ATP9A: variants seen among roughly 807,000 people sequenced by gnomAD.
ATP9A encodes ATPase phospholipid transporting 9A.
A neutral mutation model predicts 144.1 loss-of-function variants in ATP9A; 52 were observed. That is an observed-to-expected ratio of 0.36 (90% confidence interval 0.29 to 0.45). The LOEUF is 0.45. Ranked by LOEUF, ATP9A falls within the 20% of genes least tolerant of loss-of-function variation. ATP9A has a pLI of 1.00. For synonymous variants in ATP9A, 582 were observed against 557.4 expected (o/e 1.04, Z -0.62); for missense variants, 947 against 1,392.7 (o/e 0.68, Z 5.09).
intron 3 of ATP9A, among the ~76,000 whole-genome samples, chr20:51,717,301 T>C (rs982549397): frequency 2.0e-5 from 3 of 152,008 alleles, no homozygotes; most frequent in African/African-American, 7.3e-5. Context: ...CGTTTCAAAA[T>C]GTCTTCTAGC....
intron 9 of ATP9A, among the ~76,000 whole-genome samples, chr20:51,682,577 C>CTTTTTTTTCTTTTTTTTTTTT (rs2077504557): frequency 2.9e-5 from 1 of 35,076 alleles, no homozygotes. Context: ...TTCACTGTAT[C>CTTTTTTTTCTTTTTTTTTTTT]TTTTTTTTTT....
intron 19 of ATP9A, among the ~76,000 whole-genome samples, chr20:51,620,948 G>A (rs2077224405): frequency 1.3e-5 from 2 of 152,072 alleles, no homozygotes; most frequent in African/African-American, 2.4e-5. Flanking sequence ...AGGGGTTCGA[G>A]ACCAGCCTGG....
intron 3 of ATP9A, among the ~76,000 whole-genome samples, chr20:51,725,444 T>C (rs760017730): frequency 6.6e-6 from 1 of 152,108 alleles, no homozygotes; most frequent in African/African-American, 2.4e-5. Flanking sequence ...ATTTGAGATT[T>C]TGGATTTGGG....
intron 9 of ATP9A, among the ~76,000 whole-genome samples, chr20:51,679,306 G>A (rs546926549): frequency 4.6e-5 from 7 of 152,204 alleles, no homozygotes; most frequent in African/African-American, 1.4e-4. Context: ...CCTGGGTGAC[G>A]GAGTGACACT....
intron 1 of ATP9A, chr20:51,734,593 CA>C (rs2077755617): frequency 1.3e-5 from 2 of 152,164 alleles, no homozygotes; most frequent in South Asian, 4.2e-4. Context: ...GAAATGGCAT[CA>C]AGAAATCCCA....
chr20:51,618,761 G>A lies in ATP9A; in HGVS notation c.2251C>T (p.Gln751Ter). The change falls in exon 21 of 28, where the codon CAG becomes TAG. Residue 751 changes from glutamine to a stop codon, truncating the protein, a stop_gained. Transcript: ENST00000338821. LOFTEE classifies it high-confidence loss of function. ...YEYEFMELAC[Q>*]CPAVVCCRCA... The stretch of plus-strand genomic sequence containing the variant: ...CGGCAGCAGACTACGGCCGGGCACT[G>A]GCAGGCCAGCTCCATGAACTCGTAC... 6.2e-7 allele frequency: 1 copy of A among 1,608,294 alleles called. No individual in the cohort carries two copies. Among genetic ancestry groups the A allele is most frequent in the Non-Finnish European group, 8.5e-7 (1 of 1,177,294 alleles).
intron 3 of ATP9A, among the ~76,000 whole-genome samples, chr20:51,713,700 T>C (rs1459794759): frequency 6.6e-6 from 1 of 152,306 alleles, no homozygotes; most frequent in East Asian, 1.9e-4. Context: ...ATAAGATACA[T>C]CCATTGCATT....
intron 1 of ATP9A, among the ~76,000 whole-genome samples, chr20:51,764,047 G>GATTACCATTA (rs1267881968): frequency 1.6e-4 from 25 of 152,106 alleles, no homozygotes; most frequent in Non-Finnish European, 3.7e-4. Flanking sequence ...AACACCTAAG[G>GATTACCATTA]ATTACCATTA....
chr20:51,762,225 G>A (rs1309201373), intron 1 of ATP9A, among the ~76,000 whole-genome samples: 1 of 152,256 alleles, frequency 6.6e-6, no homozygotes, highest in Non-Finnish European at 1.5e-5. Flanking sequence ...ATTAGGCCAG[G>A]CATGGTGGCT....
intron 3 of ATP9A, 123 bp downstream of exon 3, chr20:51,725,696 C>T (rs1486491587): frequency 8.7e-6 from 6 of 691,550 alleles, no homozygotes; most frequent in African/African-American, 1.8e-5. Context: ...AATGTATTGG[C>T]CTAAGGGCAT....
chr20:51,690,149 A>G (rs867862942), intron 8 of ATP9A, among the ~76,000 whole-genome samples: 65 of 138,086 alleles, frequency 4.7e-4, no homozygotes, highest in South Asian at 2.1e-3. Context: ...GGCCAGGCTC[A>G]GTGGCTCATG....
At position 51,599,769 on chromosome 20, in the gene ATP9A, G is replaced by GC; in HGVS notation, c.*1441dup. On this transcript the variant is annotated 3_prime_UTR_variant, in exon 28 of 28. Coordinates refer to ENST00000338821, the MANE Select transcript of ATP9A (RefSeq NM_006045.3). ...TACATCTCTGAAGCACACAGAAGTA[G>GC]CGCCAGGCAGAGGGTTTGAAGGATA... 6.6e-6 allele frequency: 1 copy of GC among 152,184 alleles called. No individual in the cohort carries two copies. The highest frequency in any genetic ancestry group is 1.5e-5 in the Non-Finnish European group (1 of 68,048). The allele number at this position is 152,184 out of a possible 1,614,324, so 9.4% of individuals were successfully genotyped here.
chr20:51,763,806 G>A (rs963590646), intron 1 of ATP9A, among the ~76,000 whole-genome samples: 6 of 152,010 alleles, frequency 3.9e-5, no homozygotes, highest in African/African-American at 1.2e-4. Flanking sequence ...CCCACAAAAC[G>A]TAGATTGTTA....
intron 9 of ATP9A, among the ~76,000 whole-genome samples, chr20:51,680,588 G>T (rs139842626): frequency 3.3e-5 from 5 of 152,154 alleles, no homozygotes; most frequent in African/African-American, 1.2e-4. Context: ...TGATACAGAC[G>T]GACCTCAGCA....
intron 1 of ATP9A, among the ~76,000 whole-genome samples, chr20:51,736,126 G>C (rs1220152494): frequency 2.0e-5 from 3 of 152,260 alleles, no homozygotes; most frequent in Non-Finnish European, 4.4e-5. Context: ...AATCCAGGCA[G>C]ATGGAACTGC....
intron 4 of ATP9A, among the ~76,000 whole-genome samples, chr20:51,698,298 C>G (rs1431510717): frequency 6.6e-6 from 1 of 152,208 alleles, no homozygotes; most frequent in Non-Finnish European, 1.5e-5. Flanking sequence ...CCGAAGCAGG[C>G]AGATGGCTTG....
At chr20:51,668,316 G>A (rs1366993090) in intron 13 of ATP9A, among the ~76,000 whole-genome samples, 2 of 151,778 alleles carry the variant, frequency 1.3e-5, no homozygotes, top group Non-Finnish European at 2.9e-5. Flanking sequence ...GCAGCCCTGG[G>A]AGAGAATAGG....
At chr20:51,667,455 C>G (rs1001146161) in intron 13 of ATP9A, among the ~76,000 whole-genome samples, 1 of 150,808 alleles carries the variant, frequency 6.6e-6, no homozygotes, top group Non-Finnish European at 1.5e-5. Flanking sequence ...AATCAATGAG[C>G]CCCCCAAGAA....
intron 9 of ATP9A, among the ~76,000 whole-genome samples, chr20:51,683,660 C>T (rs1300829886): frequency 1.3e-5 from 2 of 152,110 alleles, no homozygotes; most frequent in Non-Finnish European, 2.9e-5. Context: ...AAGCAATCCT[C>T]CTGCCTTGGT....
Sources: allele counts gnomAD v4.1 joint callset (sites outside exome capture counted in the v4.1 genomes callset), GRCh38; gene constraint gnomAD v4.1.1; transcripts MANE v1.5; gene names NCBI Gene and HGNC (gene_info 2026-07-23, HGNC 2026-07-21).